The following TARBP1 variants were observed in gnomAD, a reference collection of about 807,000 sequenced individuals.
The protein encoded by TARBP1 is tRNA (guanosine(18)-2'-O)-methyltransferase TARBP1.
TARBP1 carries 144 observed loss-of-function variants against 178.6 expected under a neutral mutation model. That is an observed-to-expected ratio of 0.81 (90% CI 0.70 to 0.93). The LOEUF is 0.93. Ranked by LOEUF, TARBP1 falls within the 40% of genes least tolerant of loss-of-function variation. The pLI, the probability that TARBP1 is intolerant of heterozygous loss-of-function variation, is 0.00. For missense variants in TARBP1, 2,067 were observed against 2,011.7 expected (o/e 1.03, Z -0.53); for synonymous variants, 787 against 781.0 (o/e 1.01, Z -0.13).
chr1:234,467,437 C>A lies in TARBP1; in HGVS notation c.1248+65G>T. ...AAAATGTTACTTGCTGATACAGAAT[C>A]CTAGTGTATTTTTACCTCTCGCCTT... On this transcript the variant is annotated intron_variant, in intron 4 of 29. Coordinates refer to ENST00000040877, the MANE Select transcript of TARBP1 (RefSeq NM_005646.4). The A allele has an allele frequency of 5.1e-6, 7 of 1,380,776 alleles. No homozygotes were observed. In the South Asian group the frequency reaches 1.0e-4, roughly 20 times the overall value. The allele number at this position is 1,380,776 out of a possible 1,614,324, so 85.5% of individuals were successfully genotyped here.
Position 234,427,774 on chromosome 1 carries a change from A to G in TARBP1, c.3061-8T>C, listed in dbSNP as rs766368314. 1.4e-5 allele frequency: 19 copies of G among 1,399,776 alleles called. No homozygotes were observed. The South Asian group carries it at 3.7e-4, about 27-fold the overall frequency. The allele number at this position is 1,399,776 out of a possible 1,614,324, so 86.7% of individuals were successfully genotyped here. A position where few individuals can be genotyped will look rare whatever the true frequency, so the allele number is the denominator to read the frequency against. On this transcript the variant is annotated splice_region_variant and splice_polypyrimidine_tract_variant and intron_variant, in intron 17 of 29. Transcript: ENST00000040877. ...AATTATCTTGTACATAATCTGGAATAAAATACAACCGTCATTTTATCCTTG... is the reference window on the plus strand; with the variant it reads ...AATTATCTTGTACATAATCTGGAATGAAATACAACCGTCATTTTATCCTTG...
intron 11 of TARBP1, among the ~76,000 whole-genome samples, chr1:234,448,145 GCCAGTCTGGCC>G (rs1401549643): frequency 6.6e-6 from 1 of 152,174 alleles, no homozygotes; most frequent in Non-Finnish European, 1.5e-5. Flanking sequence ...CACCATGTTG[GCCAGTCTGGCC>G]TCAAACTCCT....
At chr1:234,433,346 T>C in intron 14 of TARBP1, 64 bp downstream of exon 14, 8 of 1,510,072 alleles carry the variant, frequency 5.3e-6, no homozygotes, top group Non-Finnish European at 7.2e-6. Context: ...GTATAAGAAC[T>C]GAATATGTAT....
intron 3 of TARBP1, among the ~76,000 whole-genome samples, chr1:234,470,777 G>A (rs924927784): frequency 6.6e-6 from 1 of 151,966 alleles, no homozygotes; most frequent in Non-Finnish European, 1.5e-5. Flanking sequence ...CACCATGCCT[G>A]GCTAATTTTT....
intron 19 of TARBP1, among the ~76,000 whole-genome samples, chr1:234,426,693 T>C (rs1053514125): frequency 6.6e-6 from 1 of 151,946 alleles, no homozygotes; most frequent in African/African-American, 2.4e-5. Flanking sequence ...TGTGAAAAAA[T>C]AAAACTTGAA....
At chr1:234,456,200 C>T (rs1667254375) in intron 9 of TARBP1, among the ~76,000 whole-genome samples, 1 of 152,086 alleles carries the variant, frequency 6.6e-6, no homozygotes. Context: ...TAAGTTCCTC[C>T]CAATGTTATT....
Position 234,479,174 on chromosome 1 carries a change from G to GTACC in TARBP1, c.-72_-71insGGTA. The stretch of plus-strand genomic sequence containing the variant: ...CCGGCGTGTGCGATGCGTGCGCACA[G>GTACC]GACCGGCCGGCCCCTACGTGCGCGT... On this transcript the variant is annotated 5_prime_UTR_variant, in exon 1 of 30. Transcript: ENST00000040877. The GTACC allele has an allele frequency of 9.7e-6, 13 of 1,335,722 alleles. No homozygotes were observed. The highest frequency in any genetic ancestry group is 1.5e-5 in the African/African-American group (1 of 65,212). The allele number at this position is 1,335,722 out of a possible 1,614,324, so 82.7% of individuals were successfully genotyped here. A position where few individuals can be genotyped will look rare whatever the true frequency, so the allele number is the denominator to read the frequency against.
chr1:234,400,162 T>C (rs1220867036), intron 25 of TARBP1: 2 of 151,910 alleles, frequency 1.3e-5, no homozygotes, highest in Admixed American at 1.3e-4. Flanking sequence ...GAATAAATCA[T>C]AAAACATATG....
chr1:234,442,660 T>C (rs1343830164), intron 12 of TARBP1, among the ~76,000 whole-genome samples: 1 of 152,200 alleles, frequency 6.6e-6, no homozygotes, highest in Non-Finnish European at 1.5e-5. Context: ...CTCCTATATA[T>C]ATAGTCAACT....
chr1:234,412,706 T>C (rs1467376828), intron 22 of TARBP1, among the ~76,000 whole-genome samples: 1 of 151,986 alleles, frequency 6.6e-6, no homozygotes, highest in African/African-American at 2.4e-5. Flanking sequence ...GAGAGTTATC[T>C]AGATAAAGAG....
At chr1:234,422,793 T>C (rs1423202586) in intron 20 of TARBP1, among the ~76,000 whole-genome samples, 1 of 152,242 alleles carries the variant, frequency 6.6e-6, no homozygotes, top group Non-Finnish European at 1.5e-5. Flanking sequence ...ATATCTCATT[T>C]ACCTGATGTA....
Position 234,459,626 on chromosome 1 carries a change from A to G in TARBP1, c.1536-300T>C, listed in dbSNP as rs543616686. Among the ~76,000 whole-genome samples the G allele has an allele frequency of 3.5e-4, 53 of 152,302 alleles. 1 individual carries two copies. Among genetic ancestry groups the G allele is most frequent in the Non-Finnish European group, 6.9e-4 (47 of 68,014 alleles). ...CAGGAGTTTGAGACCAGCCTGGCCA[A>G]CATGGTGCAATCCCGTCTCTACTAA... On this transcript the variant is annotated intron_variant, in intron 7 of 29. Coordinates refer to ENST00000040877, the MANE Select transcript of TARBP1 (RefSeq NM_005646.4).
rs34253337 is a variant in TARBP1, at chr1:234,440,361, CA to C, written c.2135-2990del. ...AACAACAGAAATCAATGAAATTGACCAAAAAAAAAAATCTATAAAAAAAAAA... is the reference window on the plus strand; with the variant it reads ...AACAACAGAAATCAATGAAATTGACCAAAAAAAAAATCTATAAAAAAAAAA... On this transcript the variant is annotated intron_variant, in intron 12 of 29. Coordinates refer to ENST00000040877, the MANE Select transcript of TARBP1 (RefSeq NM_005646.4). Among the ~76,000 whole-genome samples the C allele has an allele frequency of 5.4e-4, 77 of 141,526 alleles. 1 individual carries two copies. The highest frequency in any genetic ancestry group is 1.8e-3 in the South Asian group (8 of 4,500). The allele number at this position is 141,526 out of a possible 152,430, so 92.8% of individuals were successfully genotyped here. A position where few individuals can be genotyped will look rare whatever the true frequency, so the allele number is the denominator to read the frequency against.
chr1:234,449,219 G>A (rs1174725682), intron 10 of TARBP1, among the ~76,000 whole-genome samples: 1 of 152,232 alleles, frequency 6.6e-6, no homozygotes, highest in East Asian at 1.9e-4. Context: ...TGCAGGCCAT[G>A]CAGAGGACCT....
rs777379989 is a variant in TARBP1, at chr1:234,450,417, T to C, written c.1861+11A>G. 61 of 1,557,128 alleles carry C rather than the reference T, an allele frequency of 3.9e-5. 2 individuals carry two copies. In the South Asian group the frequency reaches 4.7e-4, roughly 12 times the overall value. On this transcript the variant is annotated intron_variant, in intron 10 of 29. Transcript: ENST00000040877. ...GGTTATATCAATCCATAAAAATGAT[T>C]GCAGACTTACTTTCCCAAGCAGATG...
intron 9 of TARBP1, among the ~76,000 whole-genome samples, chr1:234,454,914 C>T (rs1425645466): frequency 6.6e-6 from 1 of 152,152 alleles, no homozygotes; most frequent in Non-Finnish European, 1.5e-5. Flanking sequence ...CCAATGTAAT[C>T]CTAAGTGTCC....
At chr1:234,463,783 A>C in intron 6 of TARBP1, 54 bp downstream of exon 6, 1 of 1,113,742 alleles carries the variant, frequency 9.0e-7, no homozygotes, top group South Asian at 1.9e-5. Flanking sequence ...TTGCTAAAAA[A>C]AAAAGAAACT....
chr1:234,401,262 C>A lies in TARBP1; in HGVS notation c.3990G>T (p.Gly1330=). 6.2e-7 allele frequency: 1 copy of A among 1,610,918 alleles called. No individual in the cohort carries two copies. The highest frequency in any genetic ancestry group is 1.3e-5 in the African/African-American group (1 of 74,954). The part of the protein sequence containing the change: ...LHQVESMHGA[G]NAKKNWQRIQ... ...TGCGTTGCCAATTCTTCTTGGCATT[C>A]CTAAGGATTAAAAATATGGTATGAG... The change falls in exon 25 of 30, where the codon GGG becomes GGT. Residue 1330 remains glycine (G), a splice_region_variant and synonymous_variant. Transcript: ENST00000040877.
intron 8 of TARBP1, among the ~76,000 whole-genome samples, chr1:234,458,142 G>A (rs1228836093): frequency 6.6e-6 from 1 of 152,092 alleles, no homozygotes; most frequent in Non-Finnish European, 1.5e-5. Flanking sequence ...TCAGGAGTTC[G>A]AGACCAGCCT....
Sources: gnomAD v4.1 joint callset for allele counts (sites outside exome capture counted in the v4.1 genomes callset) on GRCh38, gnomAD v4.1.1 for gene constraint, MANE v1.5 for transcripts, NCBI Gene and HGNC (gene_info 2026-07-23, HGNC 2026-07-21) for gene names.